AKT3: variants seen among roughly 807,000 people sequenced by gnomAD.
The protein encoded by AKT3 is AKT serine/threonine kinase 3, also known as RAC-gamma serine/threonine-protein kinase.
Under a neutral mutation model 65.3 loss-of-function variants are expected in AKT3, and 15 were observed. That is an observed-to-expected ratio of 0.23 (90% CI 0.15 to 0.35). AKT3 has a LOEUF of 0.35. Ranked by LOEUF, AKT3 falls within the 10% of genes least tolerant of loss-of-function variation. AKT3 has a pLI of 1.00. For synonymous variants in AKT3, 206 were observed against 183.8 expected (o/e 1.12, Z -0.98); for missense variants, 243 against 576.5 (o/e 0.42, Z 5.92).
intron 2 of AKT3, among the ~76,000 whole-genome samples, chr1:243,709,470 A>T (rs956780884): frequency 6.6e-6 from 1 of 151,896 alleles, no homozygotes; most frequent in Admixed American, 6.6e-5. Context: ...TATAATTCAA[A>T]GTATAGTAGT....
intron 10 of AKT3, among the ~76,000 whole-genome samples, chr1:243,562,202 G>C (rs1673837600): frequency 6.6e-6 from 1 of 152,148 alleles, no homozygotes; most frequent in Non-Finnish European, 1.5e-5. Context: ...TGAATTTTAT[G>C]CTAAGTGAAA....
chr1:243,647,150 A>ATCT (rs1680882804), intron 4 of AKT3, among the ~76,000 whole-genome samples: 1 of 152,234 alleles, frequency 6.6e-6, no homozygotes, highest in Non-Finnish European at 1.5e-5. Flanking sequence ...CTGTGTAAAG[A>ATCT]TCTTTCACAT....
chr1:243,846,952 T>G (rs561466945), intron 1 of AKT3, among the ~76,000 whole-genome samples: 1 of 152,336 alleles, frequency 6.6e-6, no homozygotes, highest in Non-Finnish European at 1.5e-5. Flanking sequence ...GCCTGGCACA[T>G]GGCAACTGCT....
chr1:243,742,747 G>T (rs1178563626), intron 2 of AKT3, among the ~76,000 whole-genome samples: 1 of 151,736 alleles, frequency 6.6e-6, no homozygotes, highest in East Asian at 1.9e-4. Flanking sequence ...ATCATAAACC[G>T]ATTTCTCCTC....
intron 2 of AKT3, among the ~76,000 whole-genome samples, chr1:243,758,215 T>C (rs182409935): frequency 1.7e-4 from 26 of 152,094 alleles, no homozygotes; most frequent in South Asian, 8.3e-4. Context: ...TATATTTCCA[T>C]GGGGGAGAAA....
chr1:243,706,580 C>G (rs1417738912), intron 2 of AKT3, among the ~76,000 whole-genome samples: 1 of 151,758 alleles, frequency 6.6e-6, no homozygotes, highest in Non-Finnish European at 1.5e-5. Flanking sequence ...GGCACTGCAT[C>G]AAACCGAGAG....
At chr1:243,544,843 G>A (rs889482320) in intron 12 of AKT3, among the ~76,000 whole-genome samples, 1 of 151,356 alleles carries the variant, frequency 6.6e-6, no homozygotes, top group African/African-American at 2.4e-5. Flanking sequence ...TCTTAGGAGT[G>A]CGCCACCACG....
chr1:243,775,166 T>A (rs1690471006), intron 2 of AKT3, among the ~76,000 whole-genome samples: 1 of 152,050 alleles, frequency 6.6e-6, no homozygotes, highest in Non-Finnish European at 1.5e-5. Flanking sequence ...CCCGTCCTTG[T>A]TCCTATTATT....
rs138973931 is a variant in AKT3, at chr1:243,752,868, G to T, written c.47-57152C>A. Among the ~76,000 whole-genome samples the T allele has an allele frequency of 6.9e-3, 1,054 of 152,254 alleles. 7 individuals carry two copies. Among genetic ancestry groups the T allele is most frequent in the Non-Finnish European group, 0.011 (773 of 68,006 alleles). On this transcript the variant is annotated intron_variant, in intron 2 of 13. Coordinates refer to ENST00000673466, the MANE Select transcript of AKT3 (RefSeq NM_005465.7). Reference sequence around the variant, plus strand: ...TTCTAGGCTCTTGGGATGAAAGTGTGGGGGGAAAGGAAGTTAAAGTTTTCA... The same window carrying T: ...TTCTAGGCTCTTGGGATGAAAGTGTTGGGGGAAAGGAAGTTAAAGTTTTCA...
intron 2 of AKT3, among the ~76,000 whole-genome samples, chr1:243,761,728 G>C (rs948118470): frequency 6.6e-6 from 1 of 152,054 alleles, no homozygotes; most frequent in East Asian, 1.9e-4. Flanking sequence ...ATAGCACCAC[G>C]TTGGATATTT....
At chr1:243,791,847 A>T (rs987835099) in intron 2 of AKT3, among the ~76,000 whole-genome samples, 100 of 152,382 alleles carry the variant, frequency 6.6e-4, no homozygotes, top group African/African-American at 2.4e-3. Context: ...CTGCTAATAC[A>T]GCTGAGCTCA....
intron 8 of AKT3, among the ~76,000 whole-genome samples, chr1:243,576,839 T>C (rs1674977821): frequency 6.6e-6 from 1 of 152,076 alleles, no homozygotes; most frequent in Non-Finnish European, 1.5e-5. Flanking sequence ...CACAATAAAC[T>C]ACCATGGAAA....
chr1:243,529,584 G>C (rs984003236), intron 12 of AKT3, among the ~76,000 whole-genome samples: 21 of 152,048 alleles, frequency 1.4e-4, no homozygotes, highest in African/African-American at 5.1e-4. Flanking sequence ...TGTTGACTTT[G>C]TCAGAGATCA....
intron 6 of AKT3, among the ~76,000 whole-genome samples, chr1:243,630,566 A>G (rs1212595302): frequency 6.6e-6 from 1 of 152,132 alleles, no homozygotes; most frequent in Non-Finnish European, 1.5e-5. Flanking sequence ...AGTAATTTGT[A>G]TTTCTGTCCT....
Position 243,499,735 on chromosome 1 carries a change from ACTT to A in AKT3, c.*5511_*5513del, listed in dbSNP as rs1350739174. On this transcript the variant is annotated 3_prime_UTR_variant, in exon 14 of 14. Coordinates refer to ENST00000673466, the MANE Select transcript of AKT3 (RefSeq NM_005465.7). ...TGAAGAACATGAGCTATTGAAACTT[ACTT>A]TTTATTATTTTTTCCAGTTACCCAG... 9 of 1,597,424 alleles carry A rather than the reference ACTT, an allele frequency of 5.6e-6. No homozygotes were observed. Among genetic ancestry groups the A allele is most frequent in the Non-Finnish European group, 7.7e-6 (9 of 1,165,088 alleles).
chr1:243,549,348 G>A lies in AKT3; in HGVS notation c.1163+3381C>T, dbSNP rs574126339. On this transcript the variant is annotated intron_variant, in intron 11 of 13. Transcript: ENST00000673466. ...TCCTAACTCCTCCTACTTCCTCATA[G>A]TTTCTAGTTAATCATAACCTCTATC... Among the ~76,000 whole-genome samples, 12 of 152,150 alleles carry A rather than the reference G, an allele frequency of 7.9e-5. No individual in the cohort carries two copies. The South Asian group carries it at 2.1e-3, about 26-fold the overall frequency.
intron 12 of AKT3, among the ~76,000 whole-genome samples, chr1:243,525,396 C>T (rs1558587530): frequency 6.6e-6 from 1 of 151,794 alleles, no homozygotes; most frequent in Non-Finnish European, 1.5e-5. Flanking sequence ...AACCCATACA[C>T]TAGAAAAAGA....
chr1:243,604,091 C>T (rs1315085197), intron 8 of AKT3, among the ~76,000 whole-genome samples: 3 of 151,992 alleles, frequency 2.0e-5, no homozygotes, highest in African/African-American at 7.3e-5. Flanking sequence ...GACGGGGTTT[C>T]TCCATGTTGG....
chr1:243,704,413 G>T (rs1044020592), intron 2 of AKT3, among the ~76,000 whole-genome samples: 1 of 152,046 alleles, frequency 6.6e-6, no homozygotes, highest in African/African-American at 2.4e-5. Context: ...TGTGAGAGGT[G>T]GAGAAGAAAA....
Sources: gnomAD v4.1 joint callset for allele counts (sites outside exome capture counted in the v4.1 genomes callset) on GRCh38, gnomAD v4.1.1 for gene constraint, MANE v1.5 for transcripts, NCBI Gene and HGNC (gene_info 2026-07-23, HGNC 2026-07-21) for gene names.